Variants in MARCHF6 observed in about 807,000 individuals in gnomAD.
The protein encoded by MARCHF6 is membrane associated ring-CH-type finger 6.
A neutral mutation model predicts 133.7 loss-of-function variants in MARCHF6; 31 were observed. That is an observed-to-expected ratio of 0.23 (90% confidence interval 0.17 to 0.31). MARCHF6 has a LOEUF of 0.31. Among genes scored for constraint, MARCHF6 ranks in the 10% least tolerant of loss-of-function variants. MARCHF6 has a pLI of 1.00. For synonymous variants in MARCHF6, 395 were observed against 402.5 expected (o/e 0.98, Z 0.22); for missense variants, 723 against 1,121.6 (o/e 0.64, Z 5.08).
chr5:10,433,143 G>C (rs1282148554), intron 25 of MARCHF6, among the ~76,000 whole-genome samples: 1 of 152,146 alleles, frequency 6.6e-6, no homozygotes, highest in Non-Finnish European at 1.5e-5. Context: ...ACTCGCCTCG[G>C]CCTCCCTACG....
intron 22 of MARCHF6, among the ~76,000 whole-genome samples, chr5:10,419,305 G>C (rs1220504792): frequency 6.6e-6 from 1 of 152,168 alleles, no homozygotes; most frequent in African/African-American, 2.4e-5. Context: ...ACGTAGGCTT[G>C]TTAGGCCTCA....
chr5:10,395,903 A>G (rs2567565), intron 9 of MARCHF6, among the ~76,000 whole-genome samples: 25,549 of 152,102 alleles, frequency 0.17, 3,339 homozygotes, highest in East Asian at 0.68. Context: ...TGGGAATGTG[A>G]TATTAATGAG....
At chr5:10,383,825 C>G (rs1737303297) in intron 4 of MARCHF6, among the ~76,000 whole-genome samples, 1 of 152,116 alleles carries the variant, frequency 6.6e-6, no homozygotes, top group Non-Finnish European at 1.5e-5. Context: ...AACTAAAATT[C>G]CAGATGATCT....
intron 24 of MARCHF6, among the ~76,000 whole-genome samples, chr5:10,429,298 GCA>G (rs369066886): frequency 2.3e-4 from 35 of 152,106 alleles, no homozygotes; most frequent in African/African-American, 8.4e-4. Flanking sequence ...TATTATATAA[GCA>G]CAGTTTTGGT....
chr5:10,422,611 C>G (rs1343925186), intron 22 of MARCHF6, among the ~76,000 whole-genome samples: 1 of 152,078 alleles, frequency 6.6e-6, no homozygotes, highest in Admixed American at 6.5e-5. Flanking sequence ...AGCTGTTCAC[C>G]TATCAGGGTG....
intron 1 of MARCHF6, among the ~76,000 whole-genome samples, chr5:10,360,487 T>G (rs1474732458): frequency 6.6e-6 from 1 of 152,168 alleles, no homozygotes; most frequent in East Asian, 1.9e-4. Context: ...TAACTCTTGT[T>G]CAGGGGACTC....
chr5:10,371,306 G>A (rs560466823), intron 1 of MARCHF6, among the ~76,000 whole-genome samples: 6 of 152,266 alleles, frequency 3.9e-5, no homozygotes, highest in Admixed American at 2.0e-4. Context: ...GAATACATTC[G>A]GAGTGCTTAG....
chr5:10,377,220 T>G (rs1489890508), intron 1 of MARCHF6, among the ~76,000 whole-genome samples: 2 of 152,158 alleles, frequency 1.3e-5, no homozygotes, highest in African/African-American at 4.8e-5. Context: ...CTCATCTCTC[T>G]GTGGCCTGGT....
At chr5:10,429,760 G>A (rs562602850) in intron 24 of MARCHF6, 133 bp from the exon 25 acceptor site, 1 of 689,384 alleles carries the variant, frequency 1.5e-6, no homozygotes, top group African/African-American at 1.8e-5. Context: ...TACACAGATT[G>A]TAGAAAGTTA....
chr5:10,373,073 C>A lies in MARCHF6; in HGVS notation c.20-4725C>A, dbSNP rs955865098. Among the ~76,000 whole-genome samples, 223 of 150,880 alleles carry A rather than the reference C, an allele frequency of 1.5e-3. 1 individual carries two copies. Among genetic ancestry groups the A allele is most frequent in the African/African-American group, 5.0e-3 (206 of 41,192 alleles). ...AGACCCTGTCTCTTAAAAAAAAAAACAAAACAACAACAACAGCAACAAAAA... is the reference window on the plus strand; with the variant it reads ...AGACCCTGTCTCTTAAAAAAAAAAAAAAAACAACAACAACAGCAACAAAAA... On this transcript the variant is annotated intron_variant, in intron 1 of 25. Coordinates refer to ENST00000274140, the MANE Select transcript of MARCHF6 (RefSeq NM_005885.4).
chr5:10,391,534 G>C lies in MARCHF6; in HGVS notation c.577-8G>C. The C allele has an allele frequency of 3.4e-6, 5 of 1,464,120 alleles. No individual in the cohort carries two copies. Among genetic ancestry groups the C allele is most frequent in the Non-Finnish European group, 4.6e-6 (5 of 1,088,796 alleles). 90.7% of individuals were successfully genotyped at this position (1,464,120 alleles called of 1,614,324 possible). The stretch of plus-strand genomic sequence containing the variant: ...GATCTAAATTTCTGGGCTTTTCTGT[G>C]ATTTTAGGCTCCAGCAGGAGGAAAT... On this transcript the variant is annotated splice_polypyrimidine_tract_variant and splice_region_variant and intron_variant, in intron 6 of 25. Transcript: ENST00000274140.
chr5:10,363,154 T>C (rs1441510538), intron 1 of MARCHF6, among the ~76,000 whole-genome samples: 1 of 152,078 alleles, frequency 6.6e-6, no homozygotes, highest in Non-Finnish European at 1.5e-5. Flanking sequence ...TAGGTATGAC[T>C]CCAAAAGCAT....
chr5:10,405,075 A>G (rs568532154), intron 15 of MARCHF6, among the ~76,000 whole-genome samples: 1 of 152,272 alleles, frequency 6.6e-6, no homozygotes, highest in South Asian at 2.1e-4. Context: ...GGCAGATTAG[A>G]TGCGTTACAC....
At chr5:10,388,712 T>C (rs1737632681) in intron 5 of MARCHF6, among the ~76,000 whole-genome samples, 1 of 152,166 alleles carries the variant, frequency 6.6e-6, no homozygotes. Flanking sequence ...TACATGGTAG[T>C]CTCAGGGCAG....
intron 6 of MARCHF6, 83 bp from the exon 7 acceptor site, chr5:10,391,459 T>G (rs938302476): frequency 3.3e-5 from 19 of 580,064 alleles, no homozygotes; most frequent in African/African-American, 3.2e-4. Context: ...TTTTTTTTTT[T>G]TTTTTAGCAG....
At chr5:10,356,641 C>G (rs1735494209) in intron 1 of MARCHF6, among the ~76,000 whole-genome samples, 1 of 152,084 alleles carries the variant, frequency 6.6e-6, no homozygotes, top group African/African-American at 2.4e-5. Context: ...GGTGATCTGT[C>G]CGCCTCAACC....
chr5:10,394,674 A>C (rs1476730824), intron 8 of MARCHF6, 79 bp from the exon 9 acceptor site: 2 of 1,127,500 alleles, frequency 1.8e-6, no homozygotes, highest in Admixed American at 2.0e-5. Context: ...TATTGAAAGG[A>C]AAATGAGGCT....
At position 10,402,371 on chromosome 5, in the gene MARCHF6, C is replaced by T. The variant is rs754882621; in HGVS notation, c.1054-13C>T. The T allele has an allele frequency of 6.2e-7, 1 of 1,612,288 alleles. No homozygotes were observed. On this transcript the variant is annotated splice_polypyrimidine_tract_variant and intron_variant, in intron 12 of 25. Coordinates refer to ENST00000274140, the MANE Select transcript of MARCHF6 (RefSeq NM_005885.4). ...CTTTAAATACTCAGTTTTTCCTTGACCTGATGCTGTAGGGCTTGGCAACTC... is the reference window on the plus strand; with the variant it reads ...CTTTAAATACTCAGTTTTTCCTTGATCTGATGCTGTAGGGCTTGGCAACTC...
intron 3 of MARCHF6, among the ~76,000 whole-genome samples, chr5:10,379,724 G>A (rs548351352): frequency 6.6e-6 from 1 of 152,166 alleles, no homozygotes; most frequent in Non-Finnish European, 1.5e-5. Context: ...GCCTCCCAAA[G>A]TGCTAGGATT....
Sources: gnomAD v4.1 joint callset for allele counts (sites outside exome capture counted in the v4.1 genomes callset) on GRCh38, gnomAD v4.1.1 for gene constraint, MANE v1.5 for transcripts, NCBI Gene and HGNC (gene_info 2026-07-23, HGNC 2026-07-21) for gene names.